Variants in SEMA3E observed in about 807,000 individuals in gnomAD.
The protein encoded by SEMA3E is semaphorin 3E.
SEMA3E carries 49 observed loss-of-function variants against 93.6 expected under a neutral mutation model. The observed-to-expected ratio is 0.52, with a 90% CI of 0.42 to 0.66. The LOEUF is 0.66. Ranked by LOEUF, SEMA3E falls within the 30% of genes least tolerant of loss-of-function variation. SEMA3E has a pLI of 0.00. For missense variants in SEMA3E, 906 were observed against 964.8 expected (o/e 0.94, Z 0.81); for synonymous variants, 363 against 330.7 (o/e 1.10, Z -1.06).
intron 1 of SEMA3E, among the ~76,000 whole-genome samples, chr7:83,554,678 T>C (rs913320475): frequency 1.6e-4 from 25 of 152,242 alleles, no homozygotes; most frequent in African/African-American, 5.8e-4. Flanking sequence ...ACTAACACTT[T>C]AAAGACATGT....
intron 14 of SEMA3E, among the ~76,000 whole-genome samples, chr7:83,391,218 A>G (rs1788011685): frequency 6.6e-6 from 1 of 152,084 alleles, no homozygotes; most frequent in South Asian, 2.1e-4. Context: ...CAAAAGTGAG[A>G]TTATTTTGAG....
intron 4 of SEMA3E, among the ~76,000 whole-genome samples, chr7:83,432,400 T>C (rs916074229): frequency 2.0e-5 from 3 of 151,642 alleles, no homozygotes; most frequent in African/African-American, 7.3e-5. Context: ...ATAAGACAAA[T>C]AAAAAGTTAT....
At chr7:83,500,648 A>G (rs1257845012) in intron 1 of SEMA3E, among the ~76,000 whole-genome samples, 4 of 123,806 alleles carry the variant, frequency 3.2e-5, no homozygotes, top group African/African-American at 9.2e-5. Context: ...ACTGGAGTGC[A>G]ATGGCATGAT....
chr7:83,453,868 T>C (rs1789416799), intron 4 of SEMA3E, among the ~76,000 whole-genome samples: 1 of 152,118 alleles, frequency 6.6e-6, no homozygotes, highest in Non-Finnish European at 1.5e-5. Context: ...TAAATATTCA[T>C]ATATTTATTC....
At chr7:83,575,889 T>C (rs1459715211) in intron 1 of SEMA3E, among the ~76,000 whole-genome samples, 1 of 120,838 alleles carries the variant, frequency 8.3e-6, no homozygotes, top group East Asian at 2.3e-4. Flanking sequence ...AGCAACTAGT[T>C]AAGTTGGCAA....
chr7:83,392,842 T>A, intron 13 of SEMA3E, 121 bp from the exon 14 acceptor site: 2 of 942,246 alleles, frequency 2.1e-6, no homozygotes, highest in Non-Finnish European at 3.3e-6. Context: ...TTTAATTCAC[T>A]TAAATTAGCA....
intron 1 of SEMA3E, among the ~76,000 whole-genome samples, chr7:83,632,941 C>T (rs1019588481): frequency 3.3e-5 from 5 of 152,122 alleles, no homozygotes; most frequent in African/African-American, 1.2e-4. Context: ...GACATGATGA[C>T]TTCACAGAGT....
At chr7:83,539,968 C>T (rs1209139651) in intron 1 of SEMA3E, among the ~76,000 whole-genome samples, 1 of 150,464 alleles carries the variant, frequency 6.6e-6, no homozygotes, top group Non-Finnish European at 1.5e-5. Flanking sequence ...GCAACCTCTG[C>T]CTCCCTGGTT....
At chr7:83,600,274 T>G (rs1792959379) in intron 1 of SEMA3E, among the ~76,000 whole-genome samples, 2 of 151,820 alleles carry the variant, frequency 1.3e-5, no homozygotes, top group Non-Finnish European at 2.9e-5. Context: ...TGAGTTACAC[T>G]AGAAAGGAAG....
At chr7:83,567,436 A>G (rs1792186170) in intron 1 of SEMA3E, among the ~76,000 whole-genome samples, 1 of 152,192 alleles carries the variant, frequency 6.6e-6, no homozygotes, top group African/African-American at 2.4e-5. Context: ...TATTTCATCC[A>G]ACAGCTACAA....
At chr7:83,547,999 G>A (rs1230352309) in intron 1 of SEMA3E, among the ~76,000 whole-genome samples, 3 of 152,224 alleles carry the variant, frequency 2.0e-5, no homozygotes, top group South Asian at 2.1e-4. Context: ...GCTACCCTCA[G>A]TAGAATATCC....
chr7:83,418,814 A>G (rs1341570476), intron 4 of SEMA3E, among the ~76,000 whole-genome samples: 1 of 152,188 alleles, frequency 6.6e-6, no homozygotes, highest in Non-Finnish European at 1.5e-5. Context: ...GAAAAAGGTT[A>G]ATGAAAAGGA....
chr7:83,516,515 A>G (rs184458735), intron 1 of SEMA3E, among the ~76,000 whole-genome samples: 1 of 152,298 alleles, frequency 6.6e-6, no homozygotes, highest in East Asian at 1.9e-4. Context: ...TACTTAGCAA[A>G]TCTTAACACA....
intron 16 of SEMA3E, among the ~76,000 whole-genome samples, chr7:83,384,478 C>A (rs1363411230): frequency 1.1e-5 from 1 of 90,252 alleles, no homozygotes; most frequent in Admixed American, 1.5e-4. Flanking sequence ...AATATTATTT[C>A]TCCTTCTAAA....
At chr7:83,414,203 T>G (rs1788497941) in intron 5 of SEMA3E, among the ~76,000 whole-genome samples, 1 of 110,264 alleles carries the variant, frequency 9.1e-6, no homozygotes, top group Non-Finnish European at 2.1e-5. Context: ...CTTATTATGT[T>G]TGTAGAACTT....
intron 6 of SEMA3E, 42 bp from the exon 7 acceptor site, chr7:83,407,281 AC>A: frequency 6.6e-7 from 1 of 1,524,506 alleles, no homozygotes; most frequent in Admixed American, 1.7e-5. Flanking sequence ...AATAGATATT[AC>A]AACTAAATGC....
intron 1 of SEMA3E, among the ~76,000 whole-genome samples, chr7:83,530,518 A>G (rs1791266831): frequency 6.6e-6 from 1 of 152,312 alleles, no homozygotes; most frequent in East Asian, 1.9e-4. Context: ...ATAGCCATTA[A>G]AAGGCAGGAG....
intron 4 of SEMA3E, among the ~76,000 whole-genome samples, chr7:83,447,939 T>G (rs924547534): frequency 6.6e-6 from 1 of 152,224 alleles, no homozygotes; most frequent in Non-Finnish European, 1.5e-5. Flanking sequence ...CACTTTTCTA[T>G]CTTTCTCTGT....
At chr7:83,550,118 T>C (rs1330369461) in intron 1 of SEMA3E, among the ~76,000 whole-genome samples, 1 of 152,058 alleles carries the variant, frequency 6.6e-6, no homozygotes, top group Non-Finnish European at 1.5e-5. Context: ...GCCAAGAAAA[T>C]CAACTGTCTT....
Sources: allele counts gnomAD v4.1 joint callset (sites outside exome capture counted in the v4.1 genomes callset), GRCh38; gene constraint gnomAD v4.1.1; transcripts MANE v1.5; gene names NCBI Gene and HGNC (gene_info 2026-07-23, HGNC 2026-07-21).